The following GOLGA6L2 variants were observed in gnomAD, a reference collection of about 807,000 sequenced individuals.
The protein encoded by GOLGA6L2 is golgin subfamily A member 6-like protein 2.
In GOLGA6L2, 30 loss-of-function variants were observed where a neutral mutation model predicts 35.9. The observed-to-expected ratio is 0.83, with a 90% CI of 0.62 to 1.13. GOLGA6L2 has a LOEUF of 1.13. Ranked by LOEUF, GOLGA6L2 falls within the 50% of genes most tolerant of loss-of-function variation. GOLGA6L2 has a pLI of 0.00. For missense variants in GOLGA6L2, 821 were observed against 973.4 expected, an observed-to-expected ratio of 0.84 and a Z score of 2.08; for synonymous variants, 297 against 344.0, an observed-to-expected ratio of 0.86 and a Z score of 1.51.
rs578201357 is a variant in GOLGA6L2, at chr15:23,439,485, A to G, written c.*260T>C. On this transcript the variant is annotated 3_prime_UTR_variant, in exon 8 of 8. Transcript: ENST00000567107. Reference sequence around the variant, plus strand: ...TTTTTCAAGTTTGTGCTCAGACTATATTCACACAGTGACATGGCGGCTTAT... The same window carrying G: ...TTTTTCAAGTTTGTGCTCAGACTATGTTCACACAGTGACATGGCGGCTTAT... 220 of 904,492 alleles carry G rather than the reference A, an allele frequency of 2.4e-4. 2 individuals are homozygous for G. The East Asian group carries it at 5.9e-3, about 24-fold the overall frequency. The allele number at this position is 904,492 out of a possible 1,614,324, so 56.0% of individuals were successfully genotyped here.
At position 23,443,701 on chromosome 15, in the gene GOLGA6L2, C is replaced by G. The variant is rs903166575; in HGVS notation, c.591+76G>C. On this transcript the variant is annotated intron_variant, in intron 5 of 7. Transcript: ENST00000567107. ...CTTCTGGGCAGGACACTGCATCCTGCAGGAGGGACCTTTAGGCTCATTCCT... is the reference window on the plus strand; with the variant it reads ...CTTCTGGGCAGGACACTGCATCCTGGAGGAGGGACCTTTAGGCTCATTCCT... 9 of 1,140,848 alleles carry G rather than the reference C, an allele frequency of 7.9e-6. No individual in the cohort carries two copies. In the African/African-American group the frequency reaches 1.2e-4, roughly 15 times the overall value. 70.7% of individuals were successfully genotyped at this position (1,140,848 alleles called of 1,614,324 possible).
rs1374541561 is a variant in GOLGA6L2, at chr15:23,439,808, C to T, written c.2667G>A (p.Glu889=). The change falls in exon 8 of 8, where the codon GAG becomes GAA. Residue 889 remains glutamate, a synonymous_variant. Transcript: ENST00000567107. ...DTRSEREDAG[E]AARARGAVLR... Reference sequence around the variant, plus strand: ...GCACCGCTCCTCGTGCTCTGGCAGCCTCTCCTGCATCTTCTCTTTCTGATC... The same window carrying T: ...GCACCGCTCCTCGTGCTCTGGCAGCTTCTCCTGCATCTTCTCTTTCTGATC... 2 of 1,535,424 alleles carry T rather than the reference C, an allele frequency of 1.3e-6. No homozygotes were observed. The highest frequency in any genetic ancestry group is 1.7e-6 in the Non-Finnish European group (2 of 1,146,562).
intron 5 of GOLGA6L2, 100 bp from the exon 6 acceptor site, chr15:23,442,608 C>T: frequency 1.9e-6 from 2 of 1,072,482 alleles, no homozygotes; most frequent in Non-Finnish European, 1.4e-6. Flanking sequence ...AACACTCCCT[C>T]ACTCTCCATC....
Position 23,444,026 on chromosome 15 carries a change from C to T in GOLGA6L2, c.342G>A (p.Leu114=). 3 of 1,553,324 alleles carry T rather than the reference C, an allele frequency of 1.9e-6. No individual in the cohort carries two copies. The highest frequency in any genetic ancestry group is 1.7e-6 in the Non-Finnish European group (2 of 1,155,594). The change falls in exon 5 of 8, where the codon CTG becomes CTA. Residue 114 remains leucine, a synonymous_variant. Transcript: ENST00000567107. The part of the protein sequence containing the change: ...IRILTCQKTE[L]ETALYYSQDA... ...CCTGGCTGTAATAGAGCGCTGTCTC[C>T]AGTTCAGTTTTCTGACACGTGAGAA...
At position 23,443,811 on chromosome 15, in the gene GOLGA6L2, G is replaced by A. The variant is rs2070725899; in HGVS notation, c.557C>T (p.Ser186Phe). The change falls in exon 5 of 8, where the codon TCT becomes TTT. Residue 186 changes from serine (S) to phenylalanine (F), a missense_variant. This residue lies in a region of GOLGA6L2 where 614 missense variants were observed against 632.3 expected (regional missense o/e 0.97). Coordinates refer to ENST00000567107, the MANE Select transcript of GOLGA6L2 (RefSeq NM_001304388.2). ...CTTCTTGTGCCATGTGGACACAGCA[G>A]AGAGAGCCCGCTGTAACTCTCCTGC... ...HFAGELQRAL[S>F]AVSTWHKKAD... The A allele has an allele frequency of 1.3e-6, 2 of 1,539,408 alleles. 1 individual carries two copies. Among genetic ancestry groups the A allele is most frequent in the Admixed American group, 3.9e-5 (2 of 51,314 alleles).
chr15:23,441,354 T>G lies in GOLGA6L2; in HGVS notation c.1121A>C (p.Gln374Pro). Reference sequence around the variant, plus strand: ...CTCCTGCTCCCACAGCCTCTCCTCCTGTCTCCACATCTTCTCTTCCTGCTC... The same window carrying G: ...CTCCTGCTCCCACAGCCTCTCCTCCGGTCTCCACATCTTCTCTTCCTGCTC... The part of the protein sequence containing the change: ...MREQEEKMWR[Q>P]EERLWEQEKQ... Residue 374 changes from glutamine to proline, a missense_variant, in exon 8 of 8, where the codon CAG becomes CCG. Gln to Pro is a moderately conservative substitution (Grantham distance 76, BLOSUM62 -1). This residue lies in a region of GOLGA6L2 where 614 missense variants were observed against 632.3 expected (regional missense o/e 0.97). Coordinates refer to ENST00000567107, the MANE Select transcript of GOLGA6L2 (RefSeq NM_001304388.2). The G allele has an allele frequency of 6.5e-7, 1 of 1,539,162 alleles. No homozygotes were observed. Among genetic ancestry groups the G allele is most frequent in the Non-Finnish European group, 8.7e-7 (1 of 1,145,286 alleles).
chr15:23,446,298 T>G (rs1886782822), intron 1 of GOLGA6L2, among the ~76,000 whole-genome samples: 1 of 152,120 alleles, frequency 6.6e-6, no homozygotes, highest in Admixed American at 6.5e-5. Flanking sequence ...ACATTTTGAG[T>G]TCACAGGGGG....
Position 23,442,507 on chromosome 15 carries a change from T to A in GOLGA6L2, c.593A>T (p.Tyr198Phe). The A allele has an allele frequency of 6.3e-7, 1 of 1,591,172 alleles. No homozygotes were observed. The highest frequency in any genetic ancestry group is 1.3e-5 in the African/African-American group (1 of 74,804). ...CCTCTCCTTTGTTAACTCCTCGATGTACTGCAAATAGAGAAAGGTTAAGTC... is the reference window on the plus strand; with the variant it reads ...CCTCTCCTTTGTTAACTCCTCGATGAACTGCAAATAGAGAAAGGTTAAGTC... The part of the protein sequence containing the change: ...VSTWHKKADR[Y>F]IEELTKERDA... Residue 198 changes from tyrosine (Y) to phenylalanine (F), a missense_variant and splice_region_variant, in exon 6 of 8, where the codon TAC becomes TTC. Around this residue, in one of 7 missense-constraint regions of GOLGA6L2, gnomAD observed 614 missense variants for 632.3 expected, o/e 0.97. Coordinates refer to ENST00000567107, the MANE Select transcript of GOLGA6L2 (RefSeq NM_001304388.2).
Position 23,444,561 on chromosome 15 carries a change from C to T in GOLGA6L2, c.214-61G>A, listed in dbSNP as rs1465107064. 23 of 1,516,442 alleles carry T rather than the reference C, an allele frequency of 1.5e-5. No homozygotes were observed. In the Middle Eastern group the frequency reaches 1.0e-3, roughly 67 times the overall value. 93.9% of individuals were successfully genotyped at this position (1,516,442 alleles called of 1,614,324 possible). ...GCCCCCTGGACTCTATTCCCCAGGC[C>T]AGGAAGCGGTACGCAGGGGTCAGGA... On this transcript the variant is annotated intron_variant, in intron 2 of 7. Transcript: ENST00000567107.
At chr15:23,446,962 G>T (rs899670358) in intron 1 of GOLGA6L2, 136 bp downstream of exon 1, 2 of 559,730 alleles carry the variant, frequency 3.6e-6, no homozygotes, top group Admixed American at 3.2e-5. Context: ...GATTTTGATT[G>T]GGGGAGCCCA....
At chr15:23,447,034 T>C in intron 1 of GOLGA6L2, 64 bp downstream of exon 1, 1 of 791,512 alleles carries the variant, frequency 1.3e-6, no homozygotes, top group South Asian at 1.5e-5. Context: ...TGGCAGATGT[T>C]CTGCCATGGG....
Position 23,447,189 on chromosome 15 carries a change from A to C in GOLGA6L2, c.-8T>G. Reference sequence around the variant, plus strand: ...GTGGGGTTGGGGCCACATCAGCGTGATTCAGACGAGGACAAGGATACACCT... The same window carrying C: ...GTGGGGTTGGGGCCACATCAGCGTGCTTCAGACGAGGACAAGGATACACCT... On this transcript the variant is annotated 5_prime_UTR_variant, in exon 1 of 8. Transcript: ENST00000567107. 1 of 1,531,668 alleles carries C rather than the reference A, an allele frequency of 6.5e-7. No homozygotes were observed. The highest frequency in any genetic ancestry group is 9.0e-7 in the Non-Finnish European group (1 of 1,108,144). The allele number at this position is 1,531,668 out of a possible 1,614,324, so 94.9% of individuals were successfully genotyped here. A position where few individuals can be genotyped will look rare whatever the true frequency, so the allele number is the denominator to read the frequency against.
At position 23,441,980 on chromosome 15, in the gene GOLGA6L2, T is replaced by A; in HGVS notation, c.791A>T (p.Gln264Leu). The A allele has an allele frequency of 6.5e-7, 1 of 1,544,370 alleles. No homozygotes were observed. Among genetic ancestry groups the A allele is most frequent in the South Asian group, 1.2e-5 (1 of 84,528 alleles). ...KLERAKFLLPQVQTNTLQEEM... is the reference protein window; with the variant it reads ...KLERAKFLLPLVQTNTLQEEM... Reference sequence around the variant, plus strand: ...ACCCCTGGGGCTGCAGCCGCTCACCTGTGGCAGCAGGAACTTGGCCCTCTC... The same window carrying A: ...ACCCCTGGGGCTGCAGCCGCTCACCAGTGGCAGCAGGAACTTGGCCCTCTC... Residue 264 changes from glutamine to leucine, a missense_variant and splice_region_variant, in exon 7 of 8, where the codon CAG becomes CTG. By Grantham distance (113) the Gln-to-Leu change is moderately radical (BLOSUM62 -2). This residue lies in a region of GOLGA6L2 where 614 missense variants were observed against 632.3 expected (regional missense o/e 0.97). Coordinates refer to ENST00000567107, the MANE Select transcript of GOLGA6L2 (RefSeq NM_001304388.2).
chr15:23,444,559 G>A (rs1403929143), intron 2 of GOLGA6L2, 59 bp from the exon 3 acceptor site: 1 of 1,520,182 alleles, frequency 6.6e-7, no homozygotes, highest in African/African-American at 1.4e-5. Context: ...TATTCCCCAG[G>A]CCAGGAAGCG....
intron 1 of GOLGA6L2, 38 bp downstream of exon 1, chr15:23,447,060 G>A: frequency 9.7e-7 from 1 of 1,032,692 alleles, no homozygotes; most frequent in Non-Finnish European, 1.5e-6. Context: ...GCCTGGGGCT[G>A]GGTTGGGGTT....
rs1281420111 is a variant in GOLGA6L2 at position 23,439,069 on chromosome 15, A to G, written c.*676T>C. On this transcript the variant is annotated 3_prime_UTR_variant, in exon 8 of 8. Transcript: ENST00000567107. Reference sequence around the variant, plus strand: ...CACATAAAAGTTTACTAGGAATGCCATAAAACAAAACAAGACTAAATGAGA... The same window carrying G: ...CACATAAAAGTTTACTAGGAATGCCGTAAAACAAAACAAGACTAAATGAGA... 6.6e-6 allele frequency among the ~76,000 whole-genome samples: 1 copy of G among 152,238 alleles called. No homozygotes were observed. Among genetic ancestry groups the G allele is most frequent in the South Asian group, 2.1e-4 (1 of 4,834 alleles).
chr15:23,444,694 C>T (rs1044126986), intron 2 of GOLGA6L2, among the ~76,000 whole-genome samples, 194 bp from the exon 3 acceptor site: 3 of 152,132 alleles, frequency 2.0e-5, no homozygotes, highest in South Asian at 2.1e-4. Context: ...CCCTCAGCCA[C>T]GGAACTGAAA....
At position 23,439,300 on chromosome 15, in the gene GOLGA6L2, G is replaced by A. The variant is rs549803282; in HGVS notation, c.*445C>T. ...GCTAACTTGTATTTTTAGTAGAGAC[G>A]GGGTTTCATCATGTTGGCCAGGCTG... On this transcript the variant is annotated 3_prime_UTR_variant, in exon 8 of 8. Coordinates refer to ENST00000567107, the MANE Select transcript of GOLGA6L2 (RefSeq NM_001304388.2). Among the ~76,000 whole-genome samples, 13 of 151,964 alleles carry A rather than the reference G, an allele frequency of 8.6e-5. No homozygotes were observed. Among genetic ancestry groups the A allele is most frequent in the Admixed American group, 3.9e-4 (6 of 15,274 alleles).
In GOLGA6L2 at chr15:23,441,086, C is replaced by T. The variant is rs761834318; in HGVS notation, c.1389G>A (p.Glu463=). ...REREKKMREE[E]ETMREQEEKM... ...TCTCCTCCTGCTCCCGCATCGTCTC[C>T]TCCTCTTCCCGCATCTTCTTCTCCC... The change falls in exon 8 of 8, where the codon GAG becomes GAA. Residue 463 remains glutamate (E), a synonymous_variant. Coordinates refer to ENST00000567107, the MANE Select transcript of GOLGA6L2 (RefSeq NM_001304388.2). The T allele has an allele frequency of 1.3e-6, 2 of 1,533,674 alleles. No homozygotes were observed. Among genetic ancestry groups the T allele is most frequent in the South Asian group, 2.4e-5 (2 of 83,674 alleles).
Sources: allele counts gnomAD v4.1 joint callset (sites outside exome capture counted in the v4.1 genomes callset), GRCh38; gene constraint gnomAD v4.1.1; regional missense constraint gnomAD v4.1.1; transcripts MANE v1.5; gene names NCBI Gene and HGNC (gene_info 2026-07-23, HGNC 2026-07-21).